Variants in STK32A observed in about 807,000 individuals in gnomAD.
STK32A encodes the protein serine/threonine-protein kinase 32A.
In STK32A, 41 loss-of-function variants were observed where a neutral mutation model predicts 53.2. The observed-to-expected ratio is 0.77, with a 90% CI of 0.60 to 1.00. The LOEUF (loss-of-function observed/expected upper bound fraction) is 1.00, where lower values mean the gene tolerates loss of function less well. Among genes scored for constraint, STK32A ranks in the 50% least tolerant of loss-of-function variants. The pLI, the probability that STK32A is intolerant of heterozygous loss-of-function variation, is 0.00. For missense variants in STK32A, 458 were observed against 485.8 expected, an observed-to-expected ratio of 0.94 and a Z score of 0.54; for synonymous variants, 166 against 162.8, an observed-to-expected ratio of 1.02 and a Z score of -0.15.
intron 2 of STK32A, among the ~76,000 whole-genome samples, chr5:147,260,705 C>T (rs1040305339): frequency 6.6e-6 from 1 of 152,102 alleles, no homozygotes; most frequent in African/African-American, 2.4e-5. Context: ...TCGTTCTGTC[C>T]TCTCTGGCCG....
intron 11 of STK32A, chr5:147,383,224 G>C: frequency 1.7e-6 from 1 of 578,588 alleles, no homozygotes; most frequent in Non-Finnish European, 3.0e-6. Flanking sequence ...GATTCTGCCA[G>C]TGCAATCGCT....
At chr5:147,346,078 C>A (rs1755671823) in intron 6 of STK32A, among the ~76,000 whole-genome samples, 1 of 152,178 alleles carries the variant, frequency 6.6e-6, no homozygotes, top group African/African-American at 2.4e-5. Context: ...AGACATTACT[C>A]AAGGAACATA....
intron 2 of STK32A, among the ~76,000 whole-genome samples, chr5:147,250,830 T>G (rs1283959822): frequency 6.6e-6 from 1 of 151,282 alleles, no homozygotes; most frequent in Non-Finnish European, 1.5e-5. Flanking sequence ...TAGTCCCAGC[T>G]ACTCGGGAGG....
At chr5:147,267,012 A>G (rs1265420193) in intron 2 of STK32A, among the ~76,000 whole-genome samples, 2 of 148,532 alleles carry the variant, frequency 1.3e-5, no homozygotes, top group African/African-American at 5.0e-5. Context: ...CTGGGCAACA[A>G]GATTGAAACT....
rs1268890751 is a variant in STK32A, at chr5:147,387,542, T to C, written c.*3559T>C. 1 of 152,236 alleles carries C rather than the reference T, an allele frequency of 6.6e-6. No homozygotes were observed. The highest frequency in any genetic ancestry group is 2.4e-5 in the African/African-American group (1 of 41,450). 9.4% of individuals were successfully genotyped at this position (152,236 alleles called of 1,614,324 possible). A position where few individuals can be genotyped will look rare whatever the true frequency, so the allele number is the denominator to read the frequency against. On this transcript the variant is annotated 3_prime_UTR_variant, in exon 13 of 13. Transcript: ENST00000397936. ...GTGGCTGAGGCAGTAATGCTAAGGC[T>C]TTAGCTCTTCAAAAGCAGAATGAAA... is the stretch of plus-strand genomic sequence containing the variant.
At chr5:147,257,559 T>C (rs1211414534) in intron 2 of STK32A, among the ~76,000 whole-genome samples, 1 of 152,182 alleles carries the variant, frequency 6.6e-6, no homozygotes, top group African/African-American at 2.4e-5. Flanking sequence ...TTAGCTTTAG[T>C]TTGGCAGGGC....
chr5:147,376,208 A>G (rs1023625416), intron 11 of STK32A, among the ~76,000 whole-genome samples: 4 of 152,150 alleles, frequency 2.6e-5, no homozygotes, highest in Non-Finnish European at 5.9e-5. Context: ...ACAATTAACC[A>G]ACGTTCACAT....
At chr5:147,327,611 G>T (rs1188197956) in intron 5 of STK32A, among the ~76,000 whole-genome samples, 1 of 152,208 alleles carries the variant, frequency 6.6e-6, no homozygotes, top group Non-Finnish European at 1.5e-5. Flanking sequence ...TTTGCTTAGG[G>T]TTTCCTGGGT....
chr5:147,375,009 T>C (rs952860722), intron 10 of STK32A, 81 bp from the exon 11 acceptor site: 9 of 1,321,856 alleles, frequency 6.8e-6, no homozygotes, highest in Non-Finnish European at 8.2e-6. Context: ...TAAGACTAAG[T>C]ATTATTTTCC....
intron 5 of STK32A, among the ~76,000 whole-genome samples, chr5:147,331,951 A>G (rs575350998): frequency 6.6e-6 from 1 of 152,108 alleles, no homozygotes; most frequent in South Asian, 2.1e-4. Context: ...TTGATTTTGG[A>G]CTTTCTACCT....
At chr5:147,275,874 A>T (rs990507495) in intron 2 of STK32A, among the ~76,000 whole-genome samples, 2 of 152,118 alleles carry the variant, frequency 1.3e-5, no homozygotes, top group Non-Finnish European at 2.9e-5. Flanking sequence ...ATCCTGTATC[A>T]TTTTCAGTAA....
chr5:147,295,007 C>A (rs987219905), intron 4 of STK32A, among the ~76,000 whole-genome samples: 1 of 152,084 alleles, frequency 6.6e-6, no homozygotes, highest in Non-Finnish European at 1.5e-5. Context: ...AAATTACATA[C>A]GATAACTACA....
At chr5:147,260,213 C>T (rs1407269621) in intron 2 of STK32A, among the ~76,000 whole-genome samples, 1 of 40,034 alleles carries the variant, frequency 2.5e-5, no homozygotes, top group Non-Finnish European at 4.7e-5. Flanking sequence ...TCTCTCTCTC[C>T]TCTCTCTCTC....
chr5:147,247,017 T>C (rs73328904), intron 2 of STK32A, among the ~76,000 whole-genome samples: 4,141 of 152,338 alleles, frequency 0.027, 173 homozygotes, highest in African/African-American at 0.093. Context: ...ACACTCATGC[T>C]ACCGTAACTT....
At chr5:147,268,193 A>G (rs1163226936) in intron 2 of STK32A, among the ~76,000 whole-genome samples, 1 of 152,168 alleles carries the variant, frequency 6.6e-6, no homozygotes, top group Non-Finnish European at 1.5e-5. Context: ...GTTATATTGC[A>G]GTTATTTATT....
At position 147,386,741 on chromosome 5, in the gene STK32A, C is replaced by G. The variant is rs149684958; in HGVS notation, c.*2758C>G. 1 of 152,300 alleles carries G rather than the reference C, an allele frequency of 6.6e-6. No individual in the cohort carries two copies. The highest frequency in any genetic ancestry group is 2.4e-5 in the African/African-American group (1 of 41,552). 9.4% of individuals were successfully genotyped at this position (152,300 alleles called of 1,614,324 possible). On this transcript the variant is annotated 3_prime_UTR_variant, in exon 13 of 13. Transcript: ENST00000397936. ...TCTAGTGCTAGCCAGGTGAATGACA[C>G]ACAGTGTATTTCAAGTTTGAAAAGC...
chr5:147,394,077 C>T, the STK32A span: 3 of 1,614,128 alleles, frequency 1.9e-6, no homozygotes, highest in Non-Finnish European at 2.5e-6. Context: ...CTGGGGGCGC[C>T]ACGATGCGCT....
intron 11 of STK32A, among the ~76,000 whole-genome samples, chr5:147,376,689 C>A (rs1176946047): frequency 6.6e-6 from 1 of 152,270 alleles, no homozygotes. Flanking sequence ...AGCACTGAAC[C>A]TTTTGTTCTT....
chr5:147,311,979 C>T (rs1483782000), intron 4 of STK32A, among the ~76,000 whole-genome samples: 3 of 152,126 alleles, frequency 2.0e-5, no homozygotes, highest in Non-Finnish European at 4.4e-5. Flanking sequence ...ATCTAGTTTA[C>T]GTTTGTCAAG....
Sources: allele counts gnomAD v4.1 joint callset (sites outside exome capture counted in the v4.1 genomes callset), GRCh38; gene constraint gnomAD v4.1.1; transcripts MANE v1.5; gene names NCBI Gene and HGNC (gene_info 2026-07-23, HGNC 2026-07-21).